The following HSD17B14 variants were observed in gnomAD, a reference collection of about 807,000 sequenced individuals.
HSD17B14 encodes the protein hydroxysteroid 17-beta dehydrogenase 14.
A neutral mutation model predicts 32.2 loss-of-function variants in HSD17B14; 32 were observed. That is an observed-to-expected ratio of 0.99 (90% confidence interval 0.75 to 1.33). The LOEUF is 1.33. Among genes scored for constraint, HSD17B14 ranks in the 40% most tolerant of loss-of-function variants. The probability of loss-of-function intolerance (pLI) is 0.00; values close to 1 mark genes in which losing one functional copy is unlikely to be tolerated. For missense variants in HSD17B14, 370 were observed against 366.5 expected, an observed-to-expected ratio of 1.01 and a Z score of -0.08; for synonymous variants, 140 against 155.4, an observed-to-expected ratio of 0.90 and a Z score of 0.74.
Position 48,813,318 on chromosome 19 carries a change from C to T in HSD17B14, c.670G>A (p.Val224Ile). 6.3e-7 allele frequency: 1 copy of T among 1,594,636 alleles called. No homozygotes were observed. Among genetic ancestry groups the T allele is most frequent in the Non-Finnish European group, 8.5e-7 (1 of 1,170,692 alleles). ...GCCAGGAACACTGCCGCAGCCCCGACCTCAGCGGGCTGGCCCATGCGGCCC... is the reference window on the plus strand; with the variant it reads ...GCCAGGAACACTGCCGCAGCCCCGATCTCAGCGGGCTGGCCCATGCGGCCC... ...PLGRMGQPAEVGAAAVFLASE... is the reference protein window; with the variant it reads ...PLGRMGQPAEIGAAAVFLASE... Residue 224 changes from valine to isoleucine, a missense_variant, in exon 9 of 9, where the codon GTC becomes ATC. Coordinates refer to ENST00000263278, the MANE Select transcript of HSD17B14 (RefSeq NM_016246.3).
chr19:48,813,311 G>A lies in HSD17B14; in HGVS notation c.677C>T (p.Ala226Val). 2 of 1,597,762 alleles carry A rather than the reference G, an allele frequency of 1.3e-6. No individual in the cohort carries two copies. The highest frequency in any genetic ancestry group is 8.5e-7 in the Non-Finnish European group (1 of 1,172,260). ...GRMGQPAEVG[A>V]AAVFLASEAN... is the part of the protein sequence containing the mutation. ...TTCGGAGGCCAGGAACACTGCCGCA[G>A]CCCCGACCTCAGCGGGCTGGCCCAT... Residue 226 changes from alanine (A) to valine (V), a missense_variant, in exon 9 of 9, where the codon GCT (alanine) becomes GTT (valine). Coordinates refer to ENST00000263278, the MANE Select transcript of HSD17B14 (RefSeq NM_016246.3).
intron 4 of HSD17B14, 110 bp downstream of exon 4, chr19:48,832,555 AG>A: frequency 1.1e-6 from 1 of 929,516 alleles, no homozygotes; most frequent in Non-Finnish European, 1.7e-6. Flanking sequence ...GGCTAGAAAG[AG>A]GTATGAGGCA....
At position 48,836,436 on chromosome 19, in the gene HSD17B14, T is replaced by A. The variant is rs1376043965; in HGVS notation, c.-25A>T. Reference sequence around the variant, plus strand: ...TCCCGTGTACGTCGGTCTCTCTCTCTCTCTACTCTGGGCCTCTTTCACCTC... The same window carrying A: ...TCCCGTGTACGTCGGTCTCTCTCTCACTCTACTCTGGGCCTCTTTCACCTC... On this transcript the variant is annotated 5_prime_UTR_variant, in exon 1 of 9. Coordinates refer to ENST00000263278, the MANE Select transcript of HSD17B14 (RefSeq NM_016246.3). 6.2e-7 allele frequency: 1 copy of A among 1,610,366 alleles called. No homozygotes were observed. The highest frequency in any genetic ancestry group is 1.7e-5 in the Admixed American group (1 of 59,964).
At chr19:48,816,241 A>G (rs1187052324) in intron 5 of HSD17B14, among the ~76,000 whole-genome samples, 1 of 152,084 alleles carries the variant, frequency 6.6e-6, no homozygotes, top group Non-Finnish European at 1.5e-5. Flanking sequence ...CCTGCCACTT[A>G]AGACTAATTG....
chr19:48,816,389 G>C (rs146629871), intron 5 of HSD17B14, among the ~76,000 whole-genome samples: 1 of 151,944 alleles, frequency 6.6e-6, no homozygotes, highest in Non-Finnish European at 1.5e-5. Flanking sequence ...CTGTATCTTC[G>C]ACACACCCTG....
chr19:48,830,068 A>G (rs114365751), intron 5 of HSD17B14, among the ~76,000 whole-genome samples: 256 of 152,134 alleles, frequency 1.7e-3, no homozygotes, highest in Admixed American at 4.7e-3. Context: ...TCCTGGGCTC[A>G]AGCTGTGATA....
Position 48,834,331 on chromosome 19 carries a change from T to A in HSD17B14, c.155A>T (p.Glu52Val), listed in dbSNP as rs2035408946. Residue 52 changes from glutamate (E) to valine (V), a missense_variant, in exon 3 of 9, where the codon GAG becomes GTG. By Grantham distance (121) the Glu-to-Val change is moderately radical (BLOSUM62 -2). Coordinates refer to ENST00000263278, the MANE Select transcript of HSD17B14 (RefSeq NM_016246.3). ...DESGGRALEQ[E>V]LPGAVFILCD... is the part of the protein sequence containing the mutation. ...GAGGATAAAGACAGCTCCAGGGAGC[T>A]CCTGCTCCAGGGCCCGGCCCCCAGA... The A allele has an allele frequency of 3.1e-6, 5 of 1,613,806 alleles. No individual in the cohort carries two copies. Among genetic ancestry groups the A allele is most frequent in the Non-Finnish European group, 4.2e-6 (5 of 1,179,890 alleles).
intron 5 of HSD17B14, among the ~76,000 whole-genome samples, chr19:48,820,560 C>T (rs2035129343): frequency 1.3e-5 from 2 of 148,894 alleles, no homozygotes; most frequent in Non-Finnish European, 3.0e-5. Context: ...GATGGAGTCT[C>T]GCTCTGTCTT....
chr19:48,814,871 A>G (rs1235765874), intron 6 of HSD17B14, among the ~76,000 whole-genome samples, 166 bp downstream of exon 6: 4 of 151,822 alleles, frequency 2.6e-5, no homozygotes, highest in Non-Finnish European at 5.9e-5. Flanking sequence ...AAGAAAAAAC[A>G]GAAATCTGTC....
chr19:48,827,774 G>A (rs2035274641), intron 5 of HSD17B14, among the ~76,000 whole-genome samples: 2 of 151,610 alleles, frequency 1.3e-5, no homozygotes, highest in Non-Finnish European at 2.9e-5. Context: ...CTCCTGATGA[G>A]TGATCCACCC....
At chr19:48,817,295 A>T (rs1188550380) in intron 5 of HSD17B14, among the ~76,000 whole-genome samples, 1 of 151,012 alleles carries the variant, frequency 6.6e-6, no homozygotes, top group East Asian at 1.9e-4. Flanking sequence ...CTCCTGCCTC[A>T]GTCTCCTGAG....
chr19:48,813,366 G>A lies in HSD17B14; in HGVS notation c.640-18C>T. On this transcript the variant is annotated intron_variant, in intron 8 of 8. Coordinates refer to ENST00000263278, the MANE Select transcript of HSD17B14 (RefSeq NM_016246.3). ...CCCAGTGGCTGGGGAGAAAAGAGGG[G>A]GGAAGGAGGTCAAGAGGAGCCCCAC... 6.4e-7 allele frequency: 1 copy of A among 1,562,524 alleles called. No individual in the cohort carries two copies. The highest frequency in any genetic ancestry group is 8.7e-7 in the Non-Finnish European group (1 of 1,152,634).
chr19:48,826,488 T>C (rs1363452774), intron 5 of HSD17B14, among the ~76,000 whole-genome samples: 1 of 47,866 alleles, frequency 2.1e-5, no homozygotes, highest in Non-Finnish European at 3.7e-5. Context: ...AGCAAGATTG[T>C]CTCAAAAAAA....
chr19:48,826,214 C>T (rs576420733), intron 5 of HSD17B14, among the ~76,000 whole-genome samples: 162 of 151,744 alleles, frequency 1.1e-3, no homozygotes, highest in African/African-American at 3.4e-3. Flanking sequence ...AAAGATAGGC[C>T]GGACATGGTG....
intron 6 of HSD17B14, among the ~76,000 whole-genome samples, 184 bp downstream of exon 6, chr19:48,814,845 AAAAAAAAG>A (rs984428867): frequency 7.8e-5 from 9 of 114,796 alleles, no homozygotes; most frequent in South Asian, 5.0e-4. Flanking sequence ...TCTTTAAAAA[AAAAAAAAG>A]AAAAGAAAAG....
At chr19:48,821,903 GTGA>G (rs1231501531) in intron 5 of HSD17B14, among the ~76,000 whole-genome samples, 20 of 150,380 alleles carry the variant, frequency 1.3e-4, no homozygotes, top group South Asian at 6.4e-4. Context: ...AATGATGATG[GTGA>G]TGATGATAAT....
intron 5 of HSD17B14, among the ~76,000 whole-genome samples, chr19:48,830,628 C>T (rs2035321658): frequency 6.6e-6 from 1 of 151,984 alleles, no homozygotes; most frequent in South Asian, 2.1e-4. Flanking sequence ...TCGGTTACAA[C>T]AAAGCAATCC....
chr19:48,821,778 C>T (rs4459651), intron 5 of HSD17B14, among the ~76,000 whole-genome samples: 114,083 of 150,838 alleles, frequency 0.76, 43,479 homozygotes, highest in African/African-American at 0.88. Context: ...ATAAGGATGA[C>T]GGTGAAGATG....
At chr19:48,821,867 G>C (rs2122759763) in intron 5 of HSD17B14, among the ~76,000 whole-genome samples, 1 of 151,846 alleles carries the variant, frequency 6.6e-6, no homozygotes, top group South Asian at 2.1e-4. Context: ...GATAATGATA[G>C]TGATGATCAT....
Sources: allele counts gnomAD v4.1 joint callset (sites outside exome capture counted in the v4.1 genomes callset), GRCh38; gene constraint gnomAD v4.1.1; transcripts MANE v1.5; gene names NCBI Gene and HGNC (gene_info 2026-07-23, HGNC 2026-07-21).